R3HCC1L: variants seen among roughly 807,000 people sequenced by gnomAD.
The protein encoded by R3HCC1L is R3H domain and coiled-coil containing 1 like.
A neutral mutation model predicts 59.9 loss-of-function variants in R3HCC1L; 51 were observed. That is an observed-to-expected ratio of 0.85 (90% CI 0.68 to 1.07). R3HCC1L has a LOEUF of 1.07. Among genes scored for constraint, R3HCC1L ranks in the 50% least tolerant of loss-of-function variants. The pLI is 0.00. For synonymous variants in R3HCC1L, 322 were observed against 315.2 expected (o/e 1.02, Z -0.23); for missense variants, 965 against 933.0 (o/e 1.03, Z -0.45).
chr10:98,184,812 C>T (rs985931244), intron 4 of R3HCC1L, among the ~76,000 whole-genome samples: 3 of 152,076 alleles, frequency 2.0e-5, no homozygotes, highest in African/African-American at 7.2e-5. Context: ...TGTTTGCTTC[C>T]CCTAGCTGCA....
chr10:98,210,529 A>T (rs1163529974), intron 5 of R3HCC1L, among the ~76,000 whole-genome samples: 1 of 152,202 alleles, frequency 6.6e-6, no homozygotes, highest in East Asian at 1.9e-4. Context: ...CTTAATTTAA[A>T]TGTTTACTCT....
chr10:98,164,113 AG>A (rs2134222520), intron 4 of R3HCC1L, among the ~76,000 whole-genome samples: 1 of 152,276 alleles, frequency 6.6e-6, no homozygotes, highest in Non-Finnish European at 1.5e-5. Context: ...GGGTAACCAG[AG>A]GGTTGGTCAC....
At chr10:98,146,622 G>T (rs1590393774) in intron 1 of R3HCC1L, among the ~76,000 whole-genome samples, 1 of 152,148 alleles carries the variant, frequency 6.6e-6, no homozygotes, top group African/African-American at 2.4e-5. Context: ...TTCCATTTAT[G>T]TTGCTGCAAA....
At chr10:98,241,952 T>C (rs1857573557) in intron 9 of R3HCC1L, among the ~76,000 whole-genome samples, 1 of 152,238 alleles carries the variant, frequency 6.6e-6, no homozygotes, top group Non-Finnish European at 1.5e-5. Context: ...CCTCACATTT[T>C]CACTATTTCT....
chr10:98,181,570 C>T (rs1454743447), intron 4 of R3HCC1L, among the ~76,000 whole-genome samples: 1 of 152,158 alleles, frequency 6.6e-6, no homozygotes, highest in African/African-American at 2.4e-5. Flanking sequence ...GCCTGCCTTG[C>T]TAGGTTGGGG....
rs151143613 is a variant in R3HCC1L, at chr10:98,180,935, A to G, written c.-15+17538A>G. Among the ~76,000 whole-genome samples the G allele has an allele frequency of 3.9e-3, 588 of 152,114 alleles. 4 individuals carry two copies. The highest frequency in any genetic ancestry group is 0.013 in the African/African-American group (526 of 41,472). On this transcript the variant is annotated intron_variant, in intron 4 of 9. Transcript: ENST00000298999. The stretch of plus-strand genomic sequence containing the variant: ...TCCTCAATCCCTTTATTTTAAGCCT[A>G]TGTGTGTCTCCGCATGTGAGTTGGG...
chr10:98,158,648 G>A (rs745828865), intron 2 of R3HCC1L, among the ~76,000 whole-genome samples: 5 of 152,120 alleles, frequency 3.3e-5, no homozygotes, highest in South Asian at 4.1e-4. Context: ...GGAAATTAAC[G>A]TTGATTTAAT....
intron 1 of R3HCC1L, among the ~76,000 whole-genome samples, chr10:98,152,854 TGAG>T (rs2134036378): frequency 6.7e-6 from 1 of 149,576 alleles, no homozygotes; most frequent in South Asian, 2.1e-4. Flanking sequence ...GTCTGGGAAG[TGAG>T]GAGCGTCTCC....
chr10:98,154,803 C>T (rs1474586983), intron 1 of R3HCC1L, among the ~76,000 whole-genome samples: 1 of 152,180 alleles, frequency 6.6e-6, no homozygotes, highest in Non-Finnish European at 1.5e-5. Flanking sequence ...TTTATAATTA[C>T]TGAACTATGA....
intron 4 of R3HCC1L, among the ~76,000 whole-genome samples, chr10:98,183,331 C>CTTTTTTTTTTTTTTT (rs35199381): frequency 7.2e-6 from 1 of 138,212 alleles, no homozygotes; most frequent in Non-Finnish European, 1.6e-5. Context: ...TGTATTGTGT[C>CTTTTTTTTTTTTTTT]TTTTTTTTTT....
chr10:98,195,169 T>TG (rs1851287940), intron 4 of R3HCC1L, among the ~76,000 whole-genome samples: 1 of 152,188 alleles, frequency 6.6e-6, no homozygotes, highest in Non-Finnish European at 1.5e-5. Context: ...TGCTGCCTCA[T>TG]GGTTGAACCT....
At chr10:98,202,829 C>G (rs1237806827) in intron 4 of R3HCC1L, among the ~76,000 whole-genome samples, 12 of 150,380 alleles carry the variant, frequency 8.0e-5, no homozygotes, top group Non-Finnish European at 4.4e-5. Flanking sequence ...GCACTCCAGC[C>G]TGGGTGACAG....
chr10:98,171,874 G>A (rs1359398359), intron 4 of R3HCC1L, among the ~76,000 whole-genome samples: 1 of 152,176 alleles, frequency 6.6e-6, no homozygotes, highest in Non-Finnish European at 1.5e-5. Flanking sequence ...AAGCTGAGAT[G>A]AGTGTCTAGA....
chr10:98,160,157 T>C (rs1308121468), intron 2 of R3HCC1L, among the ~76,000 whole-genome samples: 11 of 152,230 alleles, frequency 7.2e-5, no homozygotes, highest in African/African-American at 2.7e-4. Context: ...AGAAAATAGT[T>C]TAAGAATTGT....
At chr10:98,156,232 A>C (rs969151662) in intron 2 of R3HCC1L, 85 bp downstream of exon 2, 1 of 152,032 alleles carries the variant, frequency 6.6e-6, no homozygotes, top group African/African-American at 2.4e-5. Context: ...TATCTTCTTC[A>C]GACTTCATTT....
At position 98,160,063 on chromosome 10, in the gene R3HCC1L, C is replaced by T. The variant is rs189703151; in HGVS notation, c.-212-2820C>T. Among the ~76,000 whole-genome samples, 559 of 152,280 alleles carry T rather than the reference C, an allele frequency of 3.7e-3. 15 individuals are homozygous for T. Among genetic ancestry groups the T allele is most frequent in the Middle Eastern group, 0.01 (3 of 294 alleles). On this transcript the variant is annotated intron_variant, in intron 2 of 9. Coordinates refer to ENST00000298999, the MANE Select transcript of R3HCC1L (RefSeq NM_001351015.2). The stretch of plus-strand genomic sequence containing the variant: ...GGTTTATTCTTTCCTTTCCTCATTC[C>T]TTATTTATAGCTCTGTTTTCCAACA...
intron 4 of R3HCC1L, among the ~76,000 whole-genome samples, chr10:98,173,725 A>G (rs1848738953): frequency 6.6e-6 from 1 of 151,664 alleles, no homozygotes; most frequent in Non-Finnish European, 1.5e-5. Context: ...TTTCCCCCTA[A>G]CCACAGGTTA....
At chr10:98,137,889 A>G (rs1375733568) in intron 1 of R3HCC1L, among the ~76,000 whole-genome samples, 2 of 151,882 alleles carry the variant, frequency 1.3e-5, no homozygotes, top group African/African-American at 4.8e-5. Flanking sequence ...CCTTATTTTT[A>G]TTTTTATTTT....
chr10:98,197,015 C>T (rs1266102415), intron 4 of R3HCC1L, among the ~76,000 whole-genome samples: 3 of 152,072 alleles, frequency 2.0e-5, no homozygotes, highest in Non-Finnish European at 2.9e-5. Flanking sequence ...CTCCCAGGTT[C>T]AAGTGATTCT....
Sources: gnomAD v4.1 joint callset for allele counts (sites outside exome capture counted in the v4.1 genomes callset) on GRCh38, gnomAD v4.1.1 for gene constraint, MANE v1.5 for transcripts, NCBI Gene and HGNC (gene_info 2026-07-23, HGNC 2026-07-21) for gene names.